Variants in PPP2R2B observed in about 807,000 individuals in gnomAD.
PPP2R2B encodes serine/threonine-protein phosphatase 2A 55 kDa regulatory subunit B beta isoform.
In PPP2R2B, 5 loss-of-function variants were observed where a neutral mutation model predicts 46.0. The observed-to-expected ratio is 0.11, with a 90% CI of 0.06 to 0.23. The LOEUF is 0.23. Among genes scored for constraint, PPP2R2B ranks in the 10% least tolerant of loss-of-function variants. The pLI, the probability that PPP2R2B is intolerant of heterozygous loss-of-function variation, is 1.00. For synonymous variants in PPP2R2B, 215 were observed against 206.7 expected (o/e 1.04, Z -0.34); for missense variants, 367 against 575.0 (o/e 0.64, Z 3.70).
chr5:146,631,098 TG>T (rs1774395723), intron 7 of PPP2R2B, among the ~76,000 whole-genome samples: 1 of 152,172 alleles, frequency 6.6e-6, no homozygotes, highest in South Asian at 2.1e-4. Flanking sequence ...TCCTGGGCTG[TG>T]CTTACAGGGA....
intron 2 of PPP2R2B, among the ~76,000 whole-genome samples, chr5:147,076,642 C>G (rs1311698655): frequency 6.6e-6 from 1 of 151,998 alleles, no homozygotes; most frequent in Non-Finnish European, 1.5e-5. Context: ...TATTTTGCTC[C>G]ACCAAATTTT....
chr5:146,694,828 T>G (rs1176577852), intron 4 of PPP2R2B, among the ~76,000 whole-genome samples: 1 of 152,170 alleles, frequency 6.6e-6, no homozygotes, highest in Non-Finnish European at 1.5e-5. Context: ...TATACAATTA[T>G]GTAACTGTTT....
intron 2 of PPP2R2B, among the ~76,000 whole-genome samples, chr5:146,720,410 T>A (rs3844190): frequency 0.19 from 29,585 of 152,158 alleles, 2,994 homozygotes; most frequent in East Asian, 0.36. Flanking sequence ...CAGTTTCATT[T>A]AGACTGAGGG....
At chr5:146,653,159 C>T (rs951858008) in intron 5 of PPP2R2B, among the ~76,000 whole-genome samples, 1 of 152,080 alleles carries the variant, frequency 6.6e-6, no homozygotes, top group Non-Finnish European at 1.5e-5. Flanking sequence ...CCCAGGGTTG[C>T]CCAGCTACAG....
intron 2 of PPP2R2B, among the ~76,000 whole-genome samples, chr5:146,705,968 T>C (rs1021819427): frequency 2.0e-5 from 3 of 152,018 alleles, no homozygotes; most frequent in Non-Finnish European, 4.4e-5. Flanking sequence ...GCTGAGGTTT[T>C]ATTTTGGACA....
At chr5:146,968,322 G>GA (rs1752527532) in intron 1 of PPP2R2B, among the ~76,000 whole-genome samples, 1 of 152,106 alleles carries the variant, frequency 6.6e-6, no homozygotes, top group Non-Finnish European at 1.5e-5. Flanking sequence ...TTATGTACTT[G>GA]TAAATTGACA....
chr5:146,597,541 G>A (rs924674161), intron 8 of PPP2R2B, among the ~76,000 whole-genome samples: 4 of 151,908 alleles, frequency 2.6e-5, no homozygotes, highest in African/African-American at 4.8e-5. Flanking sequence ...TACTCATTTG[G>A]CAAAACTCCA....
intron 2 of PPP2R2B, among the ~76,000 whole-genome samples, chr5:146,782,168 C>G (rs982703187): frequency 2.0e-5 from 3 of 152,138 alleles, no homozygotes; most frequent in African/African-American, 7.2e-5. Context: ...ATCACGCTTC[C>G]TGTACAGGCT....
At chr5:146,939,832 C>A (rs973134592) in intron 1 of PPP2R2B, among the ~76,000 whole-genome samples, 2 of 152,030 alleles carry the variant, frequency 1.3e-5, no homozygotes, top group African/African-American at 2.4e-5. Flanking sequence ...TTATACTTCC[C>A]AACATTATAT....
intron 7 of PPP2R2B, among the ~76,000 whole-genome samples, chr5:146,636,878 GC>G (rs1435921045): frequency 2.0e-5 from 3 of 151,906 alleles, no homozygotes; most frequent in East Asian, 3.8e-4. Context: ...TCAGAATTTT[GC>G]CCATTCTGTG....
In PPP2R2B at chr5:146,976,909, A is replaced by G. The variant is rs533885374; in HGVS notation, c.79+78756T>C. Among the ~76,000 whole-genome samples, 297 of 152,286 alleles carry G rather than the reference A, an allele frequency of 2.0e-3. 2 individuals are homozygous for G. Among genetic ancestry groups the G allele is most frequent in the African/African-American group, 6.6e-3 (273 of 41,564 alleles). On this transcript the variant is annotated intron_variant, in intron 1 of 8. Transcript: ENST00000336640. ...TCACTCCCATAAAACTAACAAGCAT[A>G]GAGATTAAAAGAACAGGATTGACGT...
At chr5:146,601,556 A>T (rs1771790073) in intron 7 of PPP2R2B, among the ~76,000 whole-genome samples, 1 of 152,204 alleles carries the variant, frequency 6.6e-6, no homozygotes, top group Non-Finnish European at 1.5e-5. Context: ...CAGAAAAGGA[A>T]GAAATAAAAA....
At chr5:146,601,488 A>G (rs901743187) in intron 7 of PPP2R2B, among the ~76,000 whole-genome samples, 1 of 152,242 alleles carries the variant, frequency 6.6e-6, no homozygotes, top group Middle Eastern at 3.4e-3. Flanking sequence ...ACTTGGGTGG[A>G]TGAGCTACTA....
intron 2 of PPP2R2B, among the ~76,000 whole-genome samples, chr5:146,863,971 G>C (rs1004936944): frequency 4.6e-5 from 7 of 152,100 alleles, no homozygotes; most frequent in Non-Finnish European, 8.8e-5. Context: ...GTGGAAAAGG[G>C]CCATAGCAAT....
At chr5:146,857,988 A>C (rs1004764119) in intron 2 of PPP2R2B, among the ~76,000 whole-genome samples, 1 of 152,234 alleles carries the variant, frequency 6.6e-6, no homozygotes, top group African/African-American at 2.4e-5. Context: ...ATGCCCAGCC[A>C]ACTGTACTAA....
At chr5:146,965,951 A>AGCAAT (rs1269178970) in intron 1 of PPP2R2B, among the ~76,000 whole-genome samples, 49 of 152,340 alleles carry the variant, frequency 3.2e-4, no homozygotes, top group African/African-American at 1.2e-3. Flanking sequence ...AAGCTGGTAC[A>AGCAAT]GCAATGCAAT....
At chr5:146,748,895 T>C (rs756406484) in intron 2 of PPP2R2B, among the ~76,000 whole-genome samples, 12 of 152,228 alleles carry the variant, frequency 7.9e-5, no homozygotes, top group Non-Finnish European at 1.6e-4. Flanking sequence ...TTTTTATTTT[T>C]CAAAGACAAA....
At chr5:146,991,940 T>A (rs1476003749) in intron 1 of PPP2R2B, among the ~76,000 whole-genome samples, 2 of 152,156 alleles carry the variant, frequency 1.3e-5, no homozygotes, top group East Asian at 3.8e-4. Context: ...AAAATATTTA[T>A]TCTTGCCAAA....
chr5:146,947,122 A>C (rs145831108), intron 1 of PPP2R2B, among the ~76,000 whole-genome samples: 314 of 152,254 alleles, frequency 2.1e-3, no homozygotes, highest in African/African-American at 6.9e-3. Flanking sequence ...AAAATTCCAT[A>C]ATATGAGGCA....
Sources: allele counts gnomAD v4.1 joint callset (sites outside exome capture counted in the v4.1 genomes callset), GRCh38; gene constraint gnomAD v4.1.1; transcripts MANE v1.5; gene names NCBI Gene and HGNC (gene_info 2026-07-23, HGNC 2026-07-21).